NUP210: variants seen among roughly 807,000 people sequenced by gnomAD.
NUP210 encodes nucleoporin 210.
NUP210 carries 151 observed loss-of-function variants against 196.0 expected under a neutral mutation model. The observed-to-expected ratio is 0.77, with a 90% CI of 0.67 to 0.88. The LOEUF (loss-of-function observed/expected upper bound fraction) is 0.88, where lower values mean the gene tolerates loss of function less well. NUP210 is among the 40% of genes least tolerant of loss of function. NUP210 has a pLI of 0.00. For missense variants in NUP210, 2,314 were observed against 2,493.7 expected, an observed-to-expected ratio of 0.93 and a Z score of 1.53; for synonymous variants, 1,070 against 1,052.7, an observed-to-expected ratio of 1.02 and a Z score of -0.32.
At chr3:13,409,088 C>G (rs978674012) in intron 1 of NUP210, among the ~76,000 whole-genome samples, 3 of 152,178 alleles carry the variant, frequency 2.0e-5, no homozygotes, top group African/African-American at 7.2e-5. Flanking sequence ...TTCCCACAAA[C>G]AGCTGTCAAC....
chr3:13,419,849 C>T (rs1234871621), intron 1 of NUP210, among the ~76,000 whole-genome samples: 1 of 151,970 alleles, frequency 6.6e-6, no homozygotes, highest in African/African-American at 2.4e-5. Context: ...TCTGCTCGCG[C>T]CTCAGCGGCG....
At chr3:13,415,809 G>T (rs769653810) in intron 1 of NUP210, among the ~76,000 whole-genome samples, 4 of 152,176 alleles carry the variant, frequency 2.6e-5, no homozygotes, top group Admixed American at 1.3e-4. Context: ...CCCAGCAGAA[G>T]CCAGCTAGGC....
At chr3:13,332,664 C>G (rs1353200275) in intron 28 of NUP210, among the ~76,000 whole-genome samples, 1 of 152,146 alleles carries the variant, frequency 6.6e-6, no homozygotes, top group East Asian at 1.9e-4. Context: ...CAACTGTAGT[C>G]CCAGCTACTT....
intron 2 of NUP210, among the ~76,000 whole-genome samples, chr3:13,398,086 T>C (rs1029079788): frequency 6.6e-6 from 1 of 152,320 alleles, no homozygotes; most frequent in South Asian, 2.1e-4. Flanking sequence ...AAAATGCTTG[T>C]GCACTTTAGT....
intron 31 of NUP210, among the ~76,000 whole-genome samples, chr3:13,328,097 A>G (rs1235173347): frequency 6.6e-6 from 1 of 152,222 alleles, no homozygotes; most frequent in Non-Finnish European, 1.5e-5. Flanking sequence ...CTCCTGCTAC[A>G]AGAAGGCCAG....
intron 14 of NUP210, among the ~76,000 whole-genome samples, chr3:13,364,975 T>C (rs907653024): frequency 5.3e-5 from 8 of 151,878 alleles, no homozygotes; most frequent in African/African-American, 1.9e-4. Context: ...AGCAGAAAAA[T>C]GCAAGGACTG....
In NUP210 at chr3:13,391,273, G is replaced by A. The variant is rs146511107; in HGVS notation, c.471C>T (p.Phe157=). 1.9e-5 allele frequency: 30 copies of A among 1,612,166 alleles called. No individual in the cohort carries two copies. The highest frequency in any genetic ancestry group is 3.3e-4 in the Middle Eastern group (2 of 6,084). The part of the protein sequence containing the change: ...NTFSTLAGLV[F]EWTIVKDSEA... ...CGGAGTCCTTCACAATCGTCCACTC[G>A]AAGACCAGTCCAGCCAGAGTGCTGA... The change falls in exon 4 of 40, where the codon TTC becomes TTT. Residue 157 remains phenylalanine, a synonymous_variant. Transcript: ENST00000254508.
intron 1 of NUP210, among the ~76,000 whole-genome samples, chr3:13,416,531 C>T (rs1484273882): frequency 1.3e-5 from 2 of 152,212 alleles, no homozygotes. Flanking sequence ...ATCCAGCTGC[C>T]CAACAGAGCA....
chr3:13,345,953 T>C (rs1697705417), intron 20 of NUP210, among the ~76,000 whole-genome samples: 1 of 152,346 alleles, frequency 6.6e-6, no homozygotes, highest in South Asian at 2.1e-4. Context: ...TCCTTCACAA[T>C]GTGAAGAAAT....
Position 13,337,928 on chromosome 3 carries a change from A to G in NUP210, c.3472-11T>C. ...CACCTGCACGAGGTCCTGGGGAAAC[A>G]GGGTGGCACTTAGGTGTGGGGATGC... On this transcript the variant is annotated splice_polypyrimidine_tract_variant and intron_variant, in intron 25 of 39. Coordinates refer to ENST00000254508, the MANE Select transcript of NUP210 (RefSeq NM_024923.4). The G allele has an allele frequency of 1.2e-6, 2 of 1,611,566 alleles. No homozygotes were observed. The highest frequency in any genetic ancestry group is 1.7e-6 in the Non-Finnish European group (2 of 1,179,346).
intron 13 of NUP210, among the ~76,000 whole-genome samples, chr3:13,370,242 C>T (rs974435753): frequency 6.6e-6 from 1 of 152,158 alleles, no homozygotes; most frequent in Non-Finnish European, 1.5e-5. Context: ...CGGTACAAGG[C>T]ACTTCCTAAG....
chr3:13,386,087 G>A (rs1699262603), intron 6 of NUP210, among the ~76,000 whole-genome samples, 188 bp downstream of exon 6: 1 of 152,228 alleles, frequency 6.6e-6, no homozygotes, highest in Non-Finnish European at 1.5e-5. Context: ...CAGAGCTTCA[G>A]TTTGGGAAGA....
In NUP210 at chr3:13,397,506, A is replaced by AG; in HGVS notation, c.305-19dup. On this transcript the variant is annotated intron_variant, in intron 2 of 39. Coordinates refer to ENST00000254508, the MANE Select transcript of NUP210 (RefSeq NM_024923.4). ...GCCTGTGGCTGGAGGAACCCCAGGA[A>AG]GGGGTCAGCACCAAAGACAGTCCCC... The AG allele has an allele frequency of 6.3e-7, 1 of 1,581,414 alleles. No homozygotes were observed. Among genetic ancestry groups the AG allele is most frequent in the Non-Finnish European group, 8.6e-7 (1 of 1,163,528 alleles).
intron 31 of NUP210, among the ~76,000 whole-genome samples, chr3:13,328,423 G>C (rs1696864434): frequency 2.6e-5 from 4 of 152,230 alleles, no homozygotes. Context: ...ACCTGTCTTT[G>C]AATGCATTCA....
At chr3:13,378,153 ACAG>A (rs1379450326) in intron 8 of NUP210, among the ~76,000 whole-genome samples, 2 of 152,026 alleles carry the variant, frequency 1.3e-5, no homozygotes, top group African/African-American at 4.8e-5. Context: ...TCCTCAACAC[ACAG>A]CAGGCCTACG....
chr3:13,319,897 C>T lies in NUP210; in HGVS notation c.5249G>A (p.Gly1750Asp), dbSNP rs1245417916. 2 of 1,614,180 alleles carry T rather than the reference C, an allele frequency of 1.2e-6. No homozygotes were observed. The highest frequency in any genetic ancestry group is 1.6e-4 in the Middle Eastern group (1 of 6,062). The change falls in exon 37 of 40, where the codon GGC (glycine) becomes GAC (aspartate). Residue 1750 changes from glycine (G) to aspartate (D), a missense_variant. Gly to Asp is a moderately conservative substitution (Grantham distance 94, BLOSUM62 -1). Transcript: ENST00000254508. ...GWPSFITYTV[G>D]VLDPAAGSQG... is the part of the protein sequence containing the mutation. The stretch of plus-strand genomic sequence containing the variant: ...GCTGCCAGCCGCGGGGTCCAAGACG[C>T]CGACCGTGTATGTGATGAAGCTGGG...
At chr3:13,399,901 A>C (rs1699779808) in intron 1 of NUP210, 40 bp from the exon 2 acceptor site, 1 of 1,566,916 alleles carries the variant, frequency 6.4e-7, no homozygotes, top group African/African-American at 1.3e-5. Context: ...CTGGAGCTGC[A>C]CTGCAAGGCA....
intron 14 of NUP210, among the ~76,000 whole-genome samples, chr3:13,362,562 G>A (rs1158975463): frequency 1.3e-5 from 2 of 152,218 alleles, no homozygotes; most frequent in African/African-American, 2.4e-5. Flanking sequence ...AACAGACTAT[G>A]ACTTCTCAAA....
At chr3:13,392,344 C>G (rs577004348) in intron 3 of NUP210, among the ~76,000 whole-genome samples, 1 of 152,222 alleles carries the variant, frequency 6.6e-6, no homozygotes, top group East Asian at 1.9e-4. Context: ...CATCTTCTTA[C>G]AGTTCCCTGG....
Sources: allele counts gnomAD v4.1 joint callset (sites outside exome capture counted in the v4.1 genomes callset), GRCh38; gene constraint gnomAD v4.1.1; transcripts MANE v1.5; gene names NCBI Gene and HGNC (gene_info 2026-07-23, HGNC 2026-07-21).